CSN1S1: variants seen among roughly 807,000 people sequenced by gnomAD.
CSN1S1 encodes alpha-S1-casein.
Under a neutral mutation model 49.1 loss-of-function variants are expected in CSN1S1, and 63 were observed. The ratio of observed to expected loss-of-function variants is 1.28; its 90% CI spans 1.05 to 1.58. The LOEUF (loss-of-function observed/expected upper bound fraction) is 1.58, where lower values mean the gene tolerates loss of function less well. Ranked by LOEUF, CSN1S1 falls within the 40% of genes most tolerant of loss-of-function variation. CSN1S1 has a pLI of 0.00. For synonymous variants in CSN1S1, 78 were observed against 67.1 expected (o/e 1.16, Z -0.79); for missense variants, 260 against 224.7 (o/e 1.16, Z -1.01).
intron 1 of CSN1S1, among the ~76,000 whole-genome samples, chr4:69,931,936 C>A (rs1345023740): frequency 1.3e-5 from 2 of 151,954 alleles, no homozygotes; most frequent in African/African-American, 4.8e-5. Flanking sequence ...ATATTTATGT[C>A]ATGAATATTC....
intron 14 of CSN1S1, among the ~76,000 whole-genome samples, chr4:69,944,481 TC>T (rs1288080468): frequency 2.0e-5 from 3 of 151,974 alleles, no homozygotes; most frequent in African/African-American, 7.2e-5. Flanking sequence ...AAATTATATA[TC>T]TAAATGGCAA....
At position 69,936,470 on chromosome 4, in the gene CSN1S1, T is replaced by C. The variant is rs374061040; in HGVS notation, c.144T>C (p.Gly48=). ...PLESREEYMN[G]MNRQRNILRE... ...TTATCCCTAAGGAATACATGAATGGTATGAACAGGGTAAGAAACATCAATG... is the reference window on the plus strand; with the variant it reads ...TTATCCCTAAGGAATACATGAATGGCATGAACAGGGTAAGAAACATCAATG... Residue 48 remains glycine (G), a synonymous_variant, in exon 6 of 16, where the codon GGT becomes GGC. Coordinates refer to ENST00000246891, the MANE Select transcript of CSN1S1 (RefSeq NM_001890.2). 2.9e-4 allele frequency: 454 copies of C among 1,566,620 alleles called. No homozygotes were observed. Among genetic ancestry groups the C allele is most frequent in the Non-Finnish European group, 3.8e-4 (434 of 1,139,426 alleles).
At chr4:69,935,114 A>G (rs987955638) in intron 4 of CSN1S1, among the ~76,000 whole-genome samples, 2 of 152,250 alleles carry the variant, frequency 1.3e-5, no homozygotes, top group Admixed American at 1.3e-4. Context: ...TTTATAATTC[A>G]CAATTTAATT....
At chr4:69,931,336 T>C (rs899139636) in intron 1 of CSN1S1, among the ~76,000 whole-genome samples, 1 of 152,008 alleles carries the variant, frequency 6.6e-6, no homozygotes, top group African/African-American at 2.4e-5. Flanking sequence ...CCAAATCATT[T>C]TTTGATAATT....
intron 4 of CSN1S1, 54 bp downstream of exon 4, chr4:69,934,764 G>C: frequency 6.6e-7 from 1 of 1,518,278 alleles, no homozygotes. Flanking sequence ...CTCTCTTTCA[G>C]TTAGCTGTCA....
chr4:69,931,640 T>C (rs1303074424), intron 1 of CSN1S1, among the ~76,000 whole-genome samples: 5 of 151,846 alleles, frequency 3.3e-5, no homozygotes, highest in East Asian at 3.9e-4. Context: ...AAGACACAAA[T>C]AGTAAATTTA....
chr4:69,934,016 G>T (rs1387080163), intron 2 of CSN1S1, among the ~76,000 whole-genome samples, 196 bp from the exon 3 acceptor site: 1 of 151,766 alleles, frequency 6.6e-6, no homozygotes, highest in African/African-American at 2.4e-5. Context: ...TTTGATATTT[G>T]TCTAAAAATA....
intron 14 of CSN1S1, among the ~76,000 whole-genome samples, chr4:69,943,219 C>A (rs372922061): frequency 4.0e-5 from 6 of 151,104 alleles, no homozygotes; most frequent in African/African-American, 1.5e-4. Context: ...GATTCTCACA[C>A]TGTTGCTGAG....
At chr4:69,944,705 G>T (rs1046858454) in intron 14 of CSN1S1, 145 bp from the exon 15 acceptor site, 4 of 916,134 alleles carry the variant, frequency 4.4e-6, no homozygotes, top group Non-Finnish European at 6.6e-6. Flanking sequence ...AGAAGATTTT[G>T]ATTTATTCTT....
At chr4:69,945,110 C>G in intron 15 of CSN1S1, 106 bp downstream of exon 15, 1 of 1,176,384 alleles carries the variant, frequency 8.5e-7, no homozygotes, top group Non-Finnish European at 1.2e-6. Context: ...CATGGCAAAT[C>G]AATGCCTACT....
At chr4:69,937,847 A>ACT in intron 9 of CSN1S1, 24 bp downstream of exon 9, 1 of 1,561,192 alleles carries the variant, frequency 6.4e-7, no homozygotes, top group Non-Finnish European at 8.7e-7. Flanking sequence ...ATTCTAGTGA[A>ACT]CTCTACACTT....
Position 69,936,465 on chromosome 4 carries a change from A to G in CSN1S1, c.139A>G (p.Asn47Asp). 6.4e-7 allele frequency: 1 copy of G among 1,561,116 alleles called. No individual in the cohort carries two copies. The change falls in exon 6 of 16, where the codon AAT (asparagine) becomes GAT (aspartate). Residue 47 changes from asparagine to aspartate, a missense_variant. Physicochemically the swap from Asn to Asp is conservative, Grantham distance 23. Coordinates refer to ENST00000246891, the MANE Select transcript of CSN1S1 (RefSeq NM_001890.2). ...IPLESREEYM[N>D]GMNRQRNILR... ...CTTTTTTATCCCTAAGGAATACATGAATGGTATGAACAGGGTAAGAAACAT... is the reference window on the plus strand; with the variant it reads ...CTTTTTTATCCCTAAGGAATACATGGATGGTATGAACAGGGTAAGAAACAT...
At position 69,944,745 on chromosome 4, in the gene CSN1S1, T is replaced by C. The variant is rs1019245816; in HGVS notation, c.403-105T>C. On this transcript the variant is annotated intron_variant, in intron 14 of 15. Transcript: ENST00000246891. ...CTCACAGAGTAATCATTTTTTATCA[T>C]GCTAACAGGCATCTTGGAAATGAAT... 4 of 1,158,456 alleles carry C rather than the reference T, an allele frequency of 3.5e-6. No individual in the cohort carries two copies. In the African/African-American group the frequency reaches 4.6e-5, roughly 13 times the overall value. The allele number at this position is 1,158,456 out of a possible 1,614,324, so 71.8% of individuals were successfully genotyped here. A position where few individuals can be genotyped will look rare whatever the true frequency, so the allele number is the denominator to read the frequency against.
Position 69,935,465 on chromosome 4 carries a change from A to C in CSN1S1, c.106-461A>C, listed in dbSNP as rs149252036. On this transcript the variant is annotated intron_variant, in intron 4 of 15. Transcript: ENST00000246891. Reference sequence around the variant, plus strand: ...CTTGGGAAGCTGAGGTGTGAGGGTCACTTGAGCATGGGCGGTTAAAGCTGC... The same window carrying C: ...CTTGGGAAGCTGAGGTGTGAGGGTCCCTTGAGCATGGGCGGTTAAAGCTGC... Among the ~76,000 whole-genome samples the C allele has an allele frequency of 3.9e-5, 6 of 152,114 alleles. No homozygotes were observed. In the East Asian group the frequency reaches 1.2e-3, roughly 30 times the overall value.
intron 1 of CSN1S1, among the ~76,000 whole-genome samples, chr4:69,931,463 ATT>A (rs1327302450): frequency 4.6e-5 from 7 of 152,054 alleles, no homozygotes; most frequent in Admixed American, 1.3e-4. Context: ...ATAATTTCTT[ATT>A]TTTGTAATTA....
intron 13 of CSN1S1, among the ~76,000 whole-genome samples, 185 bp downstream of exon 13, chr4:69,942,248 G>T (rs935148009): frequency 2.0e-5 from 3 of 151,730 alleles, no homozygotes; most frequent in African/African-American, 7.3e-5. Flanking sequence ...GCCATAAATA[G>T]AAAAATATGT....
In CSN1S1 at chr4:69,932,604, C is replaced by G; in HGVS notation, c.49C>G (p.Pro17Ala). Residue 17 changes from proline (P) to alanine (A), a missense_variant and splice_region_variant, in exon 2 of 16, where the codon CCT (proline) becomes GCT (alanine). Transcript: ENST00000246891. ...TCLVAVALAR[P>A]KLPLRYPERL... Reference sequence around the variant, plus strand: ...TCTTGTGGCTGTTGCTCTTGCCAGGCCTGTAAGTTCAGTAGAGAATTTAGA... The same window carrying G: ...TCTTGTGGCTGTTGCTCTTGCCAGGGCTGTAAGTTCAGTAGAGAATTTAGA... 1 of 1,595,660 alleles carries G rather than the reference C, an allele frequency of 6.3e-7. No individual in the cohort carries two copies.
At chr4:69,936,389 C>T in intron 5 of CSN1S1, 67 bp from the exon 6 acceptor site, 1 of 1,208,718 alleles carries the variant, frequency 8.3e-7, no homozygotes, top group Non-Finnish European at 1.2e-6. Flanking sequence ...TACAGTTTCT[C>T]ATAGATTTCC....
rs906743938 is a variant in CSN1S1 at position 69,946,199 on chromosome 4, T to A, written c.*3T>A. 5 of 550,986 alleles carry A rather than the reference T, an allele frequency of 9.1e-6. No homozygotes were observed. Among genetic ancestry groups the A allele is most frequent in the Non-Finnish European group, 1.3e-5 (4 of 296,962 alleles). 34.1% of individuals were successfully genotyped at this position (550,986 alleles called of 1,614,324 possible). ...ATATTTCTATTTCTATTTACAGATA[T>A]GATTGAAAATTTCATTCTCTGAATT... is the stretch of plus-strand genomic sequence containing the variant. On this transcript the variant is annotated 3_prime_UTR_variant, in exon 16 of 16. Coordinates refer to ENST00000246891, the MANE Select transcript of CSN1S1 (RefSeq NM_001890.2).
Sources: gnomAD v4.1 joint callset for allele counts (sites outside exome capture counted in the v4.1 genomes callset) on GRCh38, gnomAD v4.1.1 for gene constraint, MANE v1.5 for transcripts, NCBI Gene and HGNC (gene_info 2026-07-23, HGNC 2026-07-21) for gene names.